CCDC92B: variants seen among roughly 807,000 people sequenced by gnomAD.
CCDC92B encodes the protein coiled-coil domain containing 92B, also known as coiled-coil domain-containing 92B.
CCDC92B carries 2 observed loss-of-function variants against 5.6 expected under a neutral mutation model. That is an observed-to-expected ratio of 0.36 (90% confidence interval 0.15 to 1.12). The LOEUF (loss-of-function observed/expected upper bound fraction) is 1.12. Among genes scored for constraint, CCDC92B ranks in the 50% most tolerant of loss-of-function variants. The pLI, the probability that CCDC92B is intolerant of heterozygous loss-of-function variation, is 0.40. For synonymous variants in CCDC92B, 115 were observed against 122.3 expected (o/e 0.94, Z 0.39); for missense variants, 271 against 262.2 (o/e 1.03, Z -0.23).
intron 1 of CCDC92B, among the ~76,000 whole-genome samples, chr17:2,744,538 C>T (rs149438578): frequency 6.6e-6 from 1 of 152,200 alleles, no homozygotes; most frequent in African/African-American, 2.4e-5. Context: ...TTGTTAGCAA[C>T]TGAGATGAAG....
intron 1 of CCDC92B, among the ~76,000 whole-genome samples, chr17:2,740,687 A>G (rs2070915655): frequency 6.8e-6 from 1 of 146,050 alleles, no homozygotes. Flanking sequence ...ACAAAAAACA[A>G]AAAAATAAGA....
chr17:2,739,647 A>C (rs969453613), intron 1 of CCDC92B, among the ~76,000 whole-genome samples: 2 of 152,066 alleles, frequency 1.3e-5, no homozygotes, highest in Admixed American at 6.5e-5. Context: ...GCGCCACTGC[A>C]CTCCAGCCTG....
intron 3 of CCDC92B, among the ~76,000 whole-genome samples, chr17:2,728,791 A>T (rs2070765430): frequency 6.6e-6 from 1 of 152,118 alleles, no homozygotes; most frequent in African/African-American, 2.4e-5. Context: ...AGGCACCAAG[A>T]GGTTGCCTGT....
At chr17:2,748,093 G>A (rs2071008217) in intron 1 of CCDC92B, 1 of 528,552 alleles carries the variant, frequency 1.9e-6, no homozygotes, top group Non-Finnish European at 3.8e-6. Context: ...TCTCATAAGA[G>A]AATCCCAAAG....
intron 1 of CCDC92B, among the ~76,000 whole-genome samples, chr17:2,746,645 G>T (rs2070990050): frequency 6.6e-6 from 1 of 152,104 alleles, no homozygotes; most frequent in Non-Finnish European, 1.5e-5. Flanking sequence ...GACTTGGCAA[G>T]TGGGAAACTA....
At position 2,724,604 on chromosome 17, in the gene CCDC92B, G is replaced by A. The variant is rs2070702141; in HGVS notation, c.575C>T (p.Ala192Val). The A allele has an allele frequency of 8.1e-6, 8 of 981,956 alleles. No individual in the cohort carries two copies. In the South Asian group the frequency reaches 1.8e-4, roughly 22 times the overall value. 60.8% of individuals were successfully genotyped at this position (981,956 alleles called of 1,614,324 possible). ...AAAKGPGRDW[A>V]AWDRGAGALD... Reference sequence around the variant, plus strand: ...GGCGCCGGCCCCGCGGTCCCAGGCGGCCCAGTCCCGGCCGGGGCCCTTGGC... The same window carrying A: ...GGCGCCGGCCCCGCGGTCCCAGGCGACCCAGTCCCGGCCGGGGCCCTTGGC... Residue 192 changes from alanine (A) to valine (V), a missense_variant, in exon 4 of 4, where the codon GCC (alanine) becomes GTC (valine). Coordinates refer to ENST00000614400, the MANE Select transcript of CCDC92B (RefSeq NM_001355573.2). This position sits in a 1 kb window ranked among gnomAD's most constrained non-coding sequence, Gnocchi z 5.0.
chr17:2,731,402 C>T (rs1389536429), intron 2 of CCDC92B, among the ~76,000 whole-genome samples: 1 of 152,202 alleles, frequency 6.6e-6, no homozygotes, highest in East Asian at 1.9e-4. Context: ...AGCCAGAAGC[C>T]ACAGCTGCCT....
chr17:2,727,560 T>G (rs964683069), intron 3 of CCDC92B, among the ~76,000 whole-genome samples: 2 of 152,226 alleles, frequency 1.3e-5, no homozygotes, highest in South Asian at 2.1e-4. Flanking sequence ...GTGCAGTGGC[T>G]CACGCCTGTA....
intron 2 of CCDC92B, among the ~76,000 whole-genome samples, chr17:2,732,024 G>A (rs1009961064): frequency 6.6e-6 from 1 of 152,228 alleles, no homozygotes; most frequent in Non-Finnish European, 1.5e-5. Flanking sequence ...TTCTCGTCTG[G>A]AAAATGGGGG....
At chr17:2,748,507 TG>T in intron 1 of CCDC92B, 1 of 78,052 alleles carries the variant, frequency 1.3e-5, no homozygotes, top group Non-Finnish European at 1.6e-5. Context: ...TCATCGTGTT[TG>T]TGTGTGTGTG....
intron 3 of CCDC92B, among the ~76,000 whole-genome samples, chr17:2,728,020 AAG>A (rs1224275116): frequency 1.3e-5 from 2 of 151,856 alleles, no homozygotes; most frequent in South Asian, 2.1e-4. Flanking sequence ...TAAAAAAAGA[AAG>A]AGTTCTCAAA....
intron 2 of CCDC92B, among the ~76,000 whole-genome samples, chr17:2,733,743 G>GTTTTTTTTTTTTTTTTTTTTTTTT (rs1567614345): frequency 1.2e-5 from 1 of 81,562 alleles, no homozygotes; most frequent in African/African-American, 5.2e-5. Context: ...AGGACCACTG[G>GTTTTTTTTTTTTTTTTTTTTTTTT]CTTTTTTTTT....
Position 2,725,132 on chromosome 17 carries a change from G to T in CCDC92B, c.179-132C>A, listed in dbSNP as rs557125406. On this transcript the variant is annotated intron_variant, in intron 3 of 3. Coordinates refer to ENST00000614400, the MANE Select transcript of CCDC92B (RefSeq NM_001355573.2). ...TCATTTCTGCAATCCCAGCACTTTG[G>T]GAGGCCGAGATGGGCAGATGGACTT... 25 of 985,170 alleles carry T rather than the reference G, an allele frequency of 2.5e-5. No homozygotes were observed. The East Asian group carries it at 2.2e-3, about 85-fold the overall frequency. 61.0% of individuals were successfully genotyped at this position (985,170 alleles called of 1,614,324 possible).
rs1474142252 is a variant in CCDC92B at position 2,721,809 on chromosome 17, A to C, written c.*2602T>G. ...GAACCTTTCATCTAGGGGATCTCCA[A>C]GCACCTCACAAACAATTGTCATTAT... On this transcript the variant is annotated 3_prime_UTR_variant, in exon 4 of 4. Coordinates refer to ENST00000614400, the MANE Select transcript of CCDC92B (RefSeq NM_001355573.2). The C allele has an allele frequency of 2.0e-5, 3 of 152,208 alleles. No individual in the cohort carries two copies. The highest frequency in any genetic ancestry group is 7.2e-5 in the African/African-American group (3 of 41,416). The allele number at this position is 152,208 out of a possible 1,614,324, so 9.4% of individuals were successfully genotyped here.
chr17:2,732,910 G>C (rs1263242606), intron 2 of CCDC92B, among the ~76,000 whole-genome samples: 1 of 151,802 alleles, frequency 6.6e-6, no homozygotes, highest in Non-Finnish European at 1.5e-5. Context: ...CTACTCGGGA[G>C]GCTGAGGCAG....
At position 2,721,311 on chromosome 17, in the gene CCDC92B, G is replaced by A. The variant is rs924296722; in HGVS notation, c.*3100C>T. ...TCCTGGAGCTGTCCATACTTGGGGT[G>A]TGGCAGGAGCTCCGCCTAGGGACCT... is the stretch of plus-strand genomic sequence containing the variant. On this transcript the variant is annotated 3_prime_UTR_variant, in exon 4 of 4. Coordinates refer to ENST00000614400, the MANE Select transcript of CCDC92B (RefSeq NM_001355573.2). The A allele has an allele frequency of 6.6e-6, 1 of 152,368 alleles. No individual in the cohort carries two copies. Among genetic ancestry groups the A allele is most frequent in the African/African-American group, 2.4e-5 (1 of 41,460 alleles). The allele number at this position is 152,368 out of a possible 1,614,324, so 9.4% of individuals were successfully genotyped here.
chr17:2,737,727 C>T (rs1034559239), intron 1 of CCDC92B, among the ~76,000 whole-genome samples: 7 of 151,926 alleles, frequency 4.6e-5, no homozygotes, highest in African/African-American at 1.2e-4. Context: ...CCACCCGCCT[C>T]GGCCTCCCAA....
At chr17:2,740,374 C>T (rs995486774) in intron 1 of CCDC92B, among the ~76,000 whole-genome samples, 1 of 151,946 alleles carries the variant, frequency 6.6e-6, no homozygotes, top group Non-Finnish European at 1.5e-5. Flanking sequence ...TTAGGCAAAA[C>T]CCTGAGGCTG....
intron 2 of CCDC92B, among the ~76,000 whole-genome samples, chr17:2,732,520 C>T (rs1421360528): frequency 6.6e-6 from 1 of 151,970 alleles, no homozygotes; most frequent in African/African-American, 2.4e-5. Flanking sequence ...AGTTTGAGAC[C>T]AGCCTGGCCA....
Sources: gnomAD v4.1 joint callset for allele counts (sites outside exome capture counted in the v4.1 genomes callset) on GRCh38, gnomAD v4.1.1 for gene constraint, Gnocchi (gnomAD v3.1) non-coding constraint, MANE v1.5 for transcripts, NCBI Gene and HGNC (gene_info 2026-07-23, HGNC 2026-07-21) for gene names.